The following NRG3 variants were observed in gnomAD, a reference collection of about 807,000 sequenced individuals.
The protein encoded by NRG3 is neuregulin 3.
Under a neutral mutation model 66.9 loss-of-function variants are expected in NRG3, and 31 were observed. The observed-to-expected ratio is 0.46, with a 90% confidence interval of 0.35 to 0.63. NRG3 has a LOEUF of 0.63. NRG3 is among the 20% of genes least tolerant of loss of function. The pLI is 0.00. For missense variants in NRG3, 910 were observed against 878.9 expected (o/e 1.04, Z -0.45); for synonymous variants, 393 against 359.4 (o/e 1.09, Z -1.06).
chr10:82,206,049 T>C (rs1056716714), intron 1 of NRG3, among the ~76,000 whole-genome samples: 3 of 152,188 alleles, frequency 2.0e-5, no homozygotes, highest in African/African-American at 7.2e-5. Flanking sequence ...CTACTTTTCT[T>C]CCTTCTACCT....
chr10:82,636,833 T>TGA (rs879792740), intron 2 of NRG3, among the ~76,000 whole-genome samples: 19 of 151,626 alleles, frequency 1.3e-4, no homozygotes, highest in African/African-American at 4.1e-4. Context: ...TGTGTGTGTG[T>TGA]GAGAGAGAGA....
At chr10:82,183,234 C>T (rs2073555847) in intron 1 of NRG3, among the ~76,000 whole-genome samples, 1 of 151,934 alleles carries the variant, frequency 6.6e-6, no homozygotes, top group South Asian at 2.1e-4. Flanking sequence ...CTCTCTATCT[C>T]TTTCCTCTCT....
chr10:82,152,164 A>G (rs1365705188), intron 1 of NRG3, among the ~76,000 whole-genome samples: 1 of 152,178 alleles, frequency 6.6e-6, no homozygotes, highest in Non-Finnish European at 1.5e-5. Flanking sequence ...TATGTAAATG[A>G]GTGAGTGTGG....
chr10:82,006,071 A>C (rs1487279876), intron 1 of NRG3, among the ~76,000 whole-genome samples: 2 of 152,078 alleles, frequency 1.3e-5, no homozygotes, highest in Non-Finnish European at 2.9e-5. Flanking sequence ...TCAGGTTACC[A>C]TCTTATCTAT....
chr10:82,116,509 T>C (rs74495482), intron 1 of NRG3, among the ~76,000 whole-genome samples: 37 of 152,276 alleles, frequency 2.4e-4, no homozygotes, highest in Non-Finnish European at 4.9e-4. Flanking sequence ...GTTATTTCAG[T>C]GACATTTACT....
chr10:81,882,671 T>C (rs1842287007), intron 1 of NRG3, among the ~76,000 whole-genome samples: 1 of 152,186 alleles, frequency 6.6e-6, no homozygotes, highest in Non-Finnish European at 1.5e-5. Context: ...GATAGACTGG[T>C]TATTTTCATC....
rs554955337 is a variant in NRG3, at chr10:82,875,997, G to A, written c.1054+10560G>A. Among the ~76,000 whole-genome samples, 130 of 152,284 alleles carry A rather than the reference G, an allele frequency of 8.5e-4. 1 individual carries two copies. The highest frequency in any genetic ancestry group is 1.5e-3 in the Non-Finnish European group (102 of 68,018). On this transcript the variant is annotated intron_variant, in intron 4 of 8. Coordinates refer to ENST00000372141, the MANE Select transcript of NRG3 (RefSeq NM_001010848.4). ...TTTGAAAATGATACAACCAAAAGAT[G>A]TATTGAAGAAGTATGCAGATCTATT...
rs1227892273 is a variant in NRG3, at chr10:82,284,652, T to TA, written c.824-74080dup. On this transcript the variant is annotated intron_variant, in intron 1 of 8. Transcript: ENST00000372141. ...TTGTTTGTATTTCTCTTCTCTCATT[T>TA]AAAAAAATCTCTTTTCAATATGCCA... is the stretch of plus-strand genomic sequence containing the variant. Among the ~76,000 whole-genome samples, 11 of 152,354 alleles carry TA rather than the reference T, an allele frequency of 7.2e-5. No individual in the cohort carries two copies. The East Asian group carries it at 1.3e-3, about 19-fold the overall frequency.
chr10:81,968,239 A>T (rs1375400335), intron 1 of NRG3, among the ~76,000 whole-genome samples: 1 of 152,180 alleles, frequency 6.6e-6, no homozygotes, highest in African/African-American at 2.4e-5. Context: ...CAGGATTCTC[A>T]TTGGCCAAAT....
chr10:82,791,397 C>G (rs1591536897), intron 3 of NRG3, among the ~76,000 whole-genome samples: 1 of 151,428 alleles, frequency 6.6e-6, no homozygotes, highest in Non-Finnish European at 1.5e-5. Context: ...CATCTCTTTT[C>G]CATTAACTTA....
At chr10:82,883,892 C>T (rs1842498556) in intron 4 of NRG3, among the ~76,000 whole-genome samples, 1 of 151,484 alleles carries the variant, frequency 6.6e-6, no homozygotes, top group African/African-American at 2.4e-5. Context: ...TTTTTTCACA[C>T]CAGAGTTGTG....
At chr10:82,581,334 T>C (rs1008666627) in intron 2 of NRG3, among the ~76,000 whole-genome samples, 4 of 152,084 alleles carry the variant, frequency 2.6e-5, no homozygotes, top group Non-Finnish European at 5.9e-5. Context: ...TTCATACAAG[T>C]TCTTTCTCAG....
At chr10:82,740,823 C>CAAAAA (rs56944502) in intron 3 of NRG3, among the ~76,000 whole-genome samples, 1 of 118,326 alleles carries the variant, frequency 8.5e-6, no homozygotes, top group Non-Finnish European at 1.8e-5. Context: ...GACTCTGTCT[C>CAAAAA]AAAAAAAAAA....
intron 3 of NRG3, among the ~76,000 whole-genome samples, chr10:82,804,233 G>A (rs2061178376): frequency 6.6e-6 from 1 of 152,044 alleles, no homozygotes. Context: ...GACTTAATAA[G>A]GAAAGAAAAA....
intron 3 of NRG3, among the ~76,000 whole-genome samples, chr10:82,831,659 CA>C (rs1254082502): frequency 6.6e-6 from 1 of 152,014 alleles, no homozygotes; most frequent in Non-Finnish European, 1.5e-5. Flanking sequence ...ACTAAAAATA[CA>C]AAAATTAGCT....
chr10:82,078,543 G>A (rs1465302302), intron 1 of NRG3, among the ~76,000 whole-genome samples: 1 of 152,126 alleles, frequency 6.6e-6, no homozygotes, highest in Non-Finnish European at 1.5e-5. Flanking sequence ...GTAGAGACAG[G>A]GTTTCACCGT....
chr10:82,748,322 T>C (rs2058726270), intron 3 of NRG3, among the ~76,000 whole-genome samples: 1 of 150,388 alleles, frequency 6.6e-6, no homozygotes, highest in Admixed American at 6.6e-5. Context: ...AAACAACATG[T>C]ATGTTATGAC....
At chr10:82,239,750 GGT>G (rs1417492176) in intron 1 of NRG3, among the ~76,000 whole-genome samples, 4 of 151,896 alleles carry the variant, frequency 2.6e-5, no homozygotes, top group Admixed American at 2.0e-4. Context: ...TATATCTATA[GGT>G]TTACATCTTA....
At chr10:82,042,212 TATTTA>T (rs1242109015) in intron 1 of NRG3, among the ~76,000 whole-genome samples, 1 of 152,090 alleles carries the variant, frequency 6.6e-6, no homozygotes, top group African/African-American at 2.4e-5. Flanking sequence ...AATTTGAGTA[TATTTA>T]ATTTATTGAA....
Sources: allele counts gnomAD v4.1 joint callset (sites outside exome capture counted in the v4.1 genomes callset), GRCh38; gene constraint gnomAD v4.1.1; transcripts MANE v1.5; gene names NCBI Gene and HGNC (gene_info 2026-07-23, HGNC 2026-07-21).